Variants in VGLL1 observed in about 807,000 individuals in gnomAD.
VGLL1 encodes the protein transcription cofactor vestigial-like protein 1.
Under a neutral mutation model 12.0 loss-of-function variants are expected in VGLL1, and 4 were observed. That is an observed-to-expected ratio of 0.33 (90% confidence interval 0.16 to 0.76). The LOEUF (loss-of-function observed/expected upper bound fraction) is 0.76. VGLL1 is among the 30% of genes least tolerant of loss of function. VGLL1 has a pLI of 0.60. For synonymous variants in VGLL1, 87 were observed against 81.2 expected (o/e 1.07, Z -0.39); for missense variants, 204 against 208.7 (o/e 0.98, Z 0.14).
chrX:136,543,218 G>A (rs974294580), intron 2 of VGLL1, among the ~76,000 whole-genome samples: 24 of 111,956 alleles, frequency 2.1e-4, no homozygotes, highest in African/African-American at 7.2e-4. Context: ...TGTGAAAGAG[G>A]GGAAGGAACT....
rs141267413 is a variant in VGLL1, at chrX:136,536,420, C to G, written c.214+186C>G. Among the ~76,000 whole-genome samples the G allele has an allele frequency of 2.5e-4, 28 of 111,752 alleles. No individual in the cohort carries two copies. The East Asian group carries it at 6.7e-3, about 27-fold the overall frequency. On this transcript the variant is annotated intron_variant, in intron 2 of 4. Coordinates refer to ENST00000370634, the MANE Select transcript of VGLL1 (RefSeq NM_016267.4). ...CAAAATGGGGCTGCCATCTACTGCT[C>G]CAACCTTACCTCCCCAGCACTGTCC...
chrX:136,537,256 C>G (rs762620060), intron 2 of VGLL1, among the ~76,000 whole-genome samples: 1 of 110,348 alleles, frequency 9.1e-6, no homozygotes, highest in Non-Finnish European at 1.9e-5. Flanking sequence ...ACCTATATCT[C>G]TGGCTACTAA....
At position 136,548,625 on chromosome X, in the gene VGLL1, C is replaced by G; in HGVS notation, c.251C>G (p.Ser84Cys). Residue 84 changes from serine (S) to cysteine (C), a missense_variant, in exon 3 of 5, where the codon TCT (serine) becomes TGT (cysteine). Coordinates refer to ENST00000370634, the MANE Select transcript of VGLL1 (RefSeq NM_016267.4). Reference protein sequence around the residue: ...SMSPNQWRYSSPWTKPQPEVP... With the variant: ...SMSPNQWRYSCPWTKPQPEVP... ...TCTCCAAATCAGTGGCGTTACTCGT[C>G]TCCATGGACAAAGCCACAACCAGAA... is the stretch of plus-strand genomic sequence containing the variant. 1 of 1,212,029 alleles carries G rather than the reference C, an allele frequency of 8.3e-7. No homozygotes were observed. The highest frequency in any genetic ancestry group is 1.1e-6 in the Non-Finnish European group (1 of 895,558).
rs369480197 is a variant in VGLL1, at chrX:136,548,164, C to T, written c.215-425C>T. ...TACAGGTGTGCACCAACACACCCAG[C>T]TAATTTTTGTATTTTTAGTAGAGAT... On this transcript the variant is annotated intron_variant, in intron 2 of 4. Coordinates refer to ENST00000370634, the MANE Select transcript of VGLL1 (RefSeq NM_016267.4). Among the ~76,000 whole-genome samples the T allele has an allele frequency of 1.2e-4, 13 of 111,533 alleles. No homozygotes were observed. In the East Asian group the frequency reaches 3.7e-3, roughly 31 times the overall value.
intron 2 of VGLL1, among the ~76,000 whole-genome samples, chrX:136,544,996 C>T (rs1020642510): frequency 8.9e-6 from 1 of 112,179 alleles, no homozygotes; most frequent in Non-Finnish European, 1.9e-5. Context: ...AGTAAAGAAA[C>T]CCAGAGTGGC....
chrX:136,544,602 G>T (rs1351898070), intron 2 of VGLL1, among the ~76,000 whole-genome samples: 2 of 112,285 alleles, frequency 1.8e-5, no homozygotes, highest in African/African-American at 6.5e-5. Context: ...TTCTCATCTG[G>T]GTTGCTGTGA....
intron 1 of VGLL1, among the ~76,000 whole-genome samples, chrX:136,534,967 A>G (rs2075835406): frequency 8.9e-6 from 1 of 112,242 alleles, no homozygotes; most frequent in Admixed American, 9.4e-5. Flanking sequence ...CATTAAATTG[A>G]CAAGAATGAA....
chrX:136,534,585 G>A (rs2075834496), intron 1 of VGLL1, among the ~76,000 whole-genome samples: 1 of 112,187 alleles, frequency 8.9e-6, no homozygotes, highest in Non-Finnish European at 1.9e-5. Context: ...TCCATTTTTG[G>A]TTACTATGAA....
chrX:136,550,904 G>C (rs973201646), intron 4 of VGLL1, 83 bp downstream of exon 4: 14 of 868,614 alleles, frequency 1.6e-5, no homozygotes, highest in Non-Finnish European at 2.4e-5. Context: ...TCTACTACTG[G>C]AGACACTGGT....
At chrX:136,550,866 A>G in intron 4 of VGLL1, 45 bp downstream of exon 4, 1 of 1,126,068 alleles carries the variant, frequency 8.9e-7, no homozygotes, top group Non-Finnish European at 1.2e-6. Flanking sequence ...CTGTATCCTG[A>G]GAACGAACTT....
intron 2 of VGLL1, among the ~76,000 whole-genome samples, chrX:136,537,157 G>A (rs762008087): frequency 3.6e-5 from 4 of 111,751 alleles, no homozygotes; most frequent in South Asian, 7.5e-4. Flanking sequence ...ATCACTTGAG[G>A]TCAGGAGTTT....
At chrX:136,532,974 T>A (rs1208300495) in intron 1 of VGLL1, among the ~76,000 whole-genome samples, 1 of 110,667 alleles carries the variant, frequency 9.0e-6, no homozygotes, top group African/African-American at 3.3e-5. Flanking sequence ...GCAGCATCTC[T>A]TTCTCCTAGG....
At chrX:136,551,319 G>T (rs1470605256) in intron 4 of VGLL1, among the ~76,000 whole-genome samples, 1 of 111,200 alleles carries the variant, frequency 9.0e-6, no homozygotes, top group African/African-American at 3.3e-5. Flanking sequence ...GGATTAGCTT[G>T]CTGTGTCCCA....
At chrX:136,551,390 G>A (rs1461354941) in intron 4 of VGLL1, among the ~76,000 whole-genome samples, 1 of 111,766 alleles carries the variant, frequency 8.9e-6, no homozygotes, top group Non-Finnish European at 1.9e-5. Context: ...CAGTGAAAAT[G>A]TCAACTGAGG....
chrX:136,539,987 G>T (rs959267846), intron 2 of VGLL1, among the ~76,000 whole-genome samples: 1 of 111,382 alleles, frequency 9.0e-6, no homozygotes, highest in Non-Finnish European at 1.9e-5. Flanking sequence ...TTTGGAAATT[G>T]TGTAGGTTCT....
intron 1 of VGLL1, among the ~76,000 whole-genome samples, chrX:136,532,829 G>A (rs2075829646): frequency 9.2e-6 from 1 of 108,456 alleles, no homozygotes; most frequent in East Asian, 2.9e-4. Flanking sequence ...CGGTACCACT[G>A]GTAAAACTTG....
intron 2 of VGLL1, among the ~76,000 whole-genome samples, chrX:136,539,714 C>T (rs902294947): frequency 8.9e-6 from 1 of 111,881 alleles, no homozygotes; most frequent in South Asian, 3.7e-4. Flanking sequence ...TAAATGCCAT[C>T]TATATGTTGA....
intron 2 of VGLL1, among the ~76,000 whole-genome samples, chrX:136,542,944 T>C (rs948436744): frequency 3.6e-5 from 4 of 111,956 alleles, no homozygotes; most frequent in Non-Finnish European, 7.5e-5. Flanking sequence ...ATTATCTCAC[T>C]GAATCTTCAC....
At chrX:136,546,910 T>C (rs1452955432) in intron 2 of VGLL1, among the ~76,000 whole-genome samples, 1 of 112,980 alleles carries the variant, frequency 8.9e-6, no homozygotes, top group Non-Finnish European at 1.9e-5. Flanking sequence ...TTTGGTTTCA[T>C]AAGAAGGGCC....
Sources: allele counts gnomAD v4.1 joint callset (sites outside exome capture counted in the v4.1 genomes callset), GRCh38; gene constraint gnomAD v4.1.1; transcripts MANE v1.5; gene names NCBI Gene and HGNC (gene_info 2026-07-23, HGNC 2026-07-21).